FGF13: variants seen among roughly 807,000 people sequenced by gnomAD.
FGF13 encodes fibroblast growth factor 13, also known as fibroblast growth factor homologous factor 2.
In FGF13, 2 loss-of-function variants were observed where a neutral mutation model predicts 19.5. The ratio of observed to expected loss-of-function variants is 0.10; its 90% CI spans 0.04 to 0.32. FGF13 has a LOEUF of 0.32. FGF13 is among the 10% of genes least tolerant of loss of function. The pLI, the probability that FGF13 is intolerant of heterozygous loss-of-function variation, is 1.00. For missense variants in FGF13, 113 were observed against 192.7 expected (o/e 0.59, Z 2.45); for synonymous variants, 72 against 76.9 (o/e 0.94, Z 0.33).
chrX:138,839,064 C>T (rs944918415), intron 3 of FGF13, among the ~76,000 whole-genome samples: 5 of 111,394 alleles, frequency 4.5e-5, no homozygotes, highest in African/African-American at 1.6e-4. Context: ...AGGCTCTACC[C>T]TCATGAATGA....
intron 1 of FGF13, among the ~76,000 whole-genome samples, chrX:138,868,506 C>G (rs192509010): frequency 4.5e-5 from 5 of 111,403 alleles, no homozygotes; most frequent in Middle Eastern, 4.6e-3. Context: ...TATAAACTTT[C>G]TTGCCCGAAA....
rs183186019 is a variant in FGF13, at chrX:138,847,980, C to G, written c.217+9532G>C. Among the ~76,000 whole-genome samples the G allele has an allele frequency of 9.1e-4, 101 of 111,461 alleles. 1 individual carries two copies. The highest frequency in any genetic ancestry group is 3.2e-3 in the African/African-American group (99 of 30,726). ...GTACTTTTCTGGCATATCGTGACAC[C>G]CTTTTCTCCTTCTCCATCTTCTTGT... On this transcript the variant is annotated intron_variant, in intron 3 of 6. Transcript: ENST00000436198.
intron 1 of FGF13, among the ~76,000 whole-genome samples, chrX:139,069,724 C>G (rs990347574): frequency 2.0e-4 from 23 of 112,370 alleles, no homozygotes; most frequent in Non-Finnish European, 4.1e-4. Flanking sequence ...TACGTGACTT[C>G]ACACTATACT....
chrX:138,829,236 A>G (rs1035215088), intron 3 of FGF13, among the ~76,000 whole-genome samples: 4 of 111,704 alleles, frequency 3.6e-5, no homozygotes, highest in Admixed American at 9.5e-5. Flanking sequence ...TCATATTAAA[A>G]TTTCATCCCC....
At chrX:138,953,784 A>T (rs146066474) in intron 1 of FGF13, among the ~76,000 whole-genome samples, 3,100 of 110,879 alleles carry the variant, frequency 0.028, 119 homozygotes, top group African/African-American at 0.096. Flanking sequence ...GACAGATCTT[A>T]AATCACCATC....
At chrX:138,913,636 T>C (rs1230632479) in intron 1 of FGF13, among the ~76,000 whole-genome samples, 1 of 29,349 alleles carries the variant, frequency 3.4e-5, no homozygotes, top group East Asian at 8.4e-4. Flanking sequence ...GAAGGAGGGA[T>C]GGAGGAAGGA....
chrX:139,066,781 C>T (rs950105290), intron 1 of FGF13, among the ~76,000 whole-genome samples: 2 of 110,373 alleles, frequency 1.8e-5, no homozygotes, highest in African/African-American at 6.6e-5. Context: ...TTTTATGAGG[C>T]CAGCATCATC....
intron 1 of FGF13, among the ~76,000 whole-genome samples, chrX:139,095,267 G>C (rs1264331682): frequency 8.9e-6 from 1 of 112,145 alleles, no homozygotes; most frequent in African/African-American, 3.2e-5. Context: ...CTCGCTCAGG[G>C]AGCAGAGTAA....
intron 3 of FGF13, among the ~76,000 whole-genome samples, chrX:138,767,510 T>C (rs1337102122): frequency 1.8e-5 from 2 of 111,829 alleles, no homozygotes; most frequent in African/African-American, 6.5e-5. Flanking sequence ...AGTCTGGTTC[T>C]GATATCATCA....
In FGF13 at chrX:138,694,986, A is replaced by AACACAC. The variant is rs745359063; in HGVS notation, c.402+7992_402+7997dup. On this transcript the variant is annotated intron_variant, in intron 3 of 4. Coordinates refer to ENST00000315930, the MANE Select transcript of FGF13 (RefSeq NM_004114.5). ...TCCCAGTGGATTATTTACTAGTTGAAACACACACACACACACACACACACA... is the reference window on the plus strand; with the variant it reads ...TCCCAGTGGATTATTTACTAGTTGAAACACACACACACACACACACACACACACACA... Among the ~76,000 whole-genome samples, 546 of 84,739 alleles carry AACACAC rather than the reference A, an allele frequency of 6.4e-3. 3 individuals are homozygous for AACACAC. Among genetic ancestry groups the AACACAC allele is most frequent in the South Asian group, 0.015 (21 of 1,396 alleles). 73.6% of individuals were successfully genotyped at this position (84,739 alleles called of 115,157 possible).
chrX:138,884,214 C>G lies in FGF13; in HGVS notation c.-112-19564G>C, dbSNP rs146374934. 5.3e-3 allele frequency among the ~76,000 whole-genome samples: 598 copies of G among 111,911 alleles called. 5 individuals carry two copies. The highest frequency in any genetic ancestry group is 0.019 in the African/African-American group (572 of 30,800). On this transcript the variant is annotated intron_variant, in intron 1 of 2. Coordinates refer to the FGF13 transcript ENST00000421460. ...GAGTATATTATACAATATGAGTTTC[C>G]CTGGTCTTATACCTTAGAAGTGGTT...
chrX:138,638,367 C>T (rs2089206974), intron 3 of FGF13, among the ~76,000 whole-genome samples: 1 of 111,815 alleles, frequency 8.9e-6, no homozygotes, highest in African/African-American at 3.3e-5. Flanking sequence ...GAATGTCATT[C>T]CTTTGTTTCT....
At chrX:138,693,984 A>G (rs1218233315) in intron 3 of FGF13, among the ~76,000 whole-genome samples, 9 of 112,113 alleles carry the variant, frequency 8.0e-5, no homozygotes, top group Non-Finnish European at 1.5e-4. Flanking sequence ...CTGATATACC[A>G]TCTAATATAA....
intron 1 of FGF13, among the ~76,000 whole-genome samples, chrX:139,110,596 C>T (rs949166647): frequency 8.9e-5 from 10 of 111,835 alleles, no homozygotes; most frequent in African/African-American, 3.3e-4. Context: ...TTCATTAAAC[C>T]TATTTTTCTT....
intron 1 of FGF13, among the ~76,000 whole-genome samples, chrX:138,888,744 G>C (rs2091463069): frequency 9.0e-6 from 1 of 110,522 alleles, no homozygotes; most frequent in Non-Finnish European, 1.9e-5. Flanking sequence ...TCATGAGTCA[G>C]CAGCACCCTT....
chrX:138,920,249 G>A (rs2091638014), intron 1 of FGF13, among the ~76,000 whole-genome samples: 1 of 111,232 alleles, frequency 9.0e-6, no homozygotes, highest in South Asian at 3.8e-4. Flanking sequence ...TCACTAATTA[G>A]CTATATGATC....
At position 138,645,568 on chromosome X, in the gene FGF13, C is replaced by A. The variant is rs148096431; in HGVS notation, c.403-9913G>T. Among the ~76,000 whole-genome samples, 119 of 112,136 alleles carry A rather than the reference C, an allele frequency of 1.1e-3. 1 individual carries two copies. Among genetic ancestry groups the A allele is most frequent in the Middle Eastern group, 4.6e-3 (1 of 217 alleles). On this transcript the variant is annotated intron_variant, in intron 3 of 4. Transcript: ENST00000315930. ...GAAGATCACAGAAGGCATGGGGAAGCAGTTAGCTTAAGTGGAAATGCTCGA... is the reference window on the plus strand; with the variant it reads ...GAAGATCACAGAAGGCATGGGGAAGAAGTTAGCTTAAGTGGAAATGCTCGA...
At chrX:138,862,009 A>G (rs1265830198) in intron 2 of FGF13, among the ~76,000 whole-genome samples, 1 of 112,189 alleles carries the variant, frequency 8.9e-6, no homozygotes, top group East Asian at 2.8e-4. Context: ...TCTCAAAAAA[A>G]TTAAATAAAT....
At chrX:138,748,017 G>A (rs775024690) in intron 3 of FGF13, among the ~76,000 whole-genome samples, 9 of 110,735 alleles carry the variant, frequency 8.1e-5, no homozygotes, top group Non-Finnish European at 1.5e-4. Flanking sequence ...TTCAAATACC[G>A]TTTCTCAAGC....
Sources: allele counts gnomAD v4.1 joint callset (sites outside exome capture counted in the v4.1 genomes callset), GRCh38; gene constraint gnomAD v4.1.1; transcripts MANE v1.5; gene names NCBI Gene and HGNC (gene_info 2026-07-23, HGNC 2026-07-21).